The following ASCC3 variants were observed in gnomAD, a reference collection of about 807,000 sequenced individuals.
The protein encoded by ASCC3 is activating signal cointegrator 1 complex subunit 3.
In ASCC3, 158 loss-of-function variants were observed where a neutral mutation model predicts 256.3. The ratio of observed to expected loss-of-function variants is 0.62; its 90% CI spans 0.54 to 0.70. The LOEUF (loss-of-function observed/expected upper bound fraction) is 0.70. ASCC3 is among the 30% of genes least tolerant of loss of function. The probability of loss-of-function intolerance (pLI) is 0.00; values close to 1 mark genes in which losing one functional copy is unlikely to be tolerated. For missense variants in ASCC3, 2,259 were observed against 2,626.0 expected (o/e 0.86, Z 3.05); for synonymous variants, 948 against 883.4 (o/e 1.07, Z -1.30).
rs1050759854 is a variant in ASCC3 at position 100,508,419 on chromosome 6, T to C, written c.*967A>G. The C allele has an allele frequency of 1.7e-4, 26 of 152,144 alleles. No homozygotes were observed. The highest frequency in any genetic ancestry group is 5.8e-4 in the African/African-American group (24 of 41,428). 9.4% of individuals were successfully genotyped at this position (152,144 alleles called of 1,614,324 possible). On this transcript the variant is annotated 3_prime_UTR_variant, in exon 42 of 42. Transcript: ENST00000369162. ...CATTGAATTTTAACAAGTTTTTAGT[T>C]TGAAAAAGTATTTTTCAAGAAGGAA...
intron 1 of ASCC3, among the ~76,000 whole-genome samples, chr6:100,875,546 C>T (rs1030451500): frequency 3.3e-5 from 5 of 152,082 alleles, no homozygotes; most frequent in Admixed American, 2.0e-4. Context: ...AACAGACATA[C>T]ATACATATAA....
intron 8 of ASCC3, among the ~76,000 whole-genome samples, chr6:100,795,928 T>C (rs186918854): frequency 6.6e-6 from 1 of 152,298 alleles, no homozygotes; most frequent in East Asian, 1.9e-4. Context: ...TTAATGTCTA[T>C]TTTTTCTCCC....
chr6:100,566,374 G>C lies in ASCC3; in HGVS notation c.5550+23260C>G, dbSNP rs547908678. ...TGGTCATGCTGAGATTCGAACCCAT[G>C]TTTCTGAAATGCAAATACCCTTAAT... is the stretch of plus-strand genomic sequence containing the variant. On this transcript the variant is annotated intron_variant, in intron 36 of 41. Transcript: ENST00000369162. 3.0e-4 allele frequency among the ~76,000 whole-genome samples: 45 copies of C among 152,216 alleles called. No individual in the cohort carries two copies. In the South Asian group the frequency reaches 5.4e-3, roughly 18 times the overall value.
intron 36 of ASCC3, among the ~76,000 whole-genome samples, chr6:100,559,846 T>C (rs1470611694): frequency 1.7e-5 from 2 of 115,056 alleles, no homozygotes; most frequent in Admixed American, 1.7e-4. Flanking sequence ...CTAGACTCCA[T>C]CTCAAAAAAA....
chr6:100,766,879 G>A (rs1169233580), intron 9 of ASCC3, among the ~76,000 whole-genome samples, 174 bp from the exon 10 acceptor site: 7 of 152,284 alleles, frequency 4.6e-5, no homozygotes, highest in Admixed American at 3.9e-4. Context: ...GTGTGTAGCT[G>A]TTTAAAGGAC....
At chr6:100,580,826 T>A (rs12192249) in intron 36 of ASCC3, among the ~76,000 whole-genome samples, 65,257 of 148,796 alleles carry the variant, frequency 0.44, 14,440 homozygotes, top group South Asian at 0.62. Context: ...AGTGAGAATA[T>A]GCGGTGTTTG....
chr6:100,518,280 A>G, intron 37 of ASCC3, 138 bp from the exon 38 acceptor site: 1 of 939,170 alleles, frequency 1.1e-6, no homozygotes, highest in Non-Finnish European at 1.6e-6. Flanking sequence ...CAACATAGAA[A>G]CCAGAAAATA....
intron 14 of ASCC3, among the ~76,000 whole-genome samples, chr6:100,667,787 T>C (rs1305588930): frequency 6.6e-6 from 1 of 151,944 alleles, no homozygotes; most frequent in Non-Finnish European, 1.5e-5. Flanking sequence ...CAGGAGTAAA[T>C]TATGTTTTGC....
intron 29 of ASCC3, among the ~76,000 whole-genome samples, chr6:100,627,220 A>T (rs1582589380): frequency 1.3e-5 from 2 of 152,302 alleles, no homozygotes; most frequent in South Asian, 4.1e-4. Context: ...TAAAGTACTG[A>T]AATTTCTAAG....
chr6:100,738,939 T>C (rs977540070), intron 10 of ASCC3, among the ~76,000 whole-genome samples: 1 of 152,222 alleles, frequency 6.6e-6, no homozygotes, highest in African/African-American at 2.4e-5. Flanking sequence ...TATTTCATTA[T>C]CTTGCCTGAT....
At chr6:100,675,931 G>T (rs993194362) in intron 14 of ASCC3, among the ~76,000 whole-genome samples, 1 of 152,056 alleles carries the variant, frequency 6.6e-6, no homozygotes, top group African/African-American at 2.4e-5. Flanking sequence ...CTAACTGAAG[G>T]ATTCATTTAA....
chr6:100,876,812 A>C (rs1395052865), intron 1 of ASCC3, among the ~76,000 whole-genome samples: 2 of 152,344 alleles, frequency 1.3e-5, no homozygotes, highest in East Asian at 1.9e-4. Context: ...TGTTCGTCAG[A>C]AGTACTGGCT....
At chr6:100,878,535 T>C (rs1452974296) in intron 1 of ASCC3, among the ~76,000 whole-genome samples, 1 of 152,146 alleles carries the variant, frequency 6.6e-6, no homozygotes, top group African/African-American at 2.4e-5. Flanking sequence ...AATTCCAGAA[T>C]ATCCCACAAA....
intron 4 of ASCC3, among the ~76,000 whole-genome samples, chr6:100,830,947 G>C (rs1771590355): frequency 6.6e-6 from 1 of 151,986 alleles, no homozygotes. Context: ...TACTTATAAA[G>C]GCTACAGTTA....
intron 22 of ASCC3, among the ~76,000 whole-genome samples, chr6:100,645,650 C>T (rs1775342861): frequency 6.6e-6 from 1 of 152,054 alleles, no homozygotes; most frequent in Admixed American, 6.6e-5. Flanking sequence ...TGCCTTTGTA[C>T]CTACAATCTC....
At chr6:100,744,309 A>G (rs1042021484) in intron 10 of ASCC3, among the ~76,000 whole-genome samples, 2 of 152,174 alleles carry the variant, frequency 1.3e-5, no homozygotes, top group African/African-American at 4.8e-5. Flanking sequence ...GGCAAAGATT[A>G]CTGATTATTA....
intron 36 of ASCC3, among the ~76,000 whole-genome samples, chr6:100,574,744 T>A (rs372394378): frequency 6.6e-6 from 1 of 151,510 alleles, no homozygotes; most frequent in Admixed American, 6.6e-5. Context: ...GTATTACAAA[T>A]ACATTTTATG....
At chr6:100,675,674 T>A (rs1056976883) in intron 14 of ASCC3, among the ~76,000 whole-genome samples, 2 of 152,194 alleles carry the variant, frequency 1.3e-5, no homozygotes, top group Non-Finnish European at 1.5e-5. Context: ...TCAATAGATA[T>A]TTTCAATAAC....
intron 26 of ASCC3, among the ~76,000 whole-genome samples, chr6:100,630,673 T>C (rs1330038863): frequency 6.6e-6 from 1 of 152,046 alleles, no homozygotes; most frequent in Non-Finnish European, 1.5e-5. Flanking sequence ...AATAACCTTG[T>C]AGTATATTAA....
Sources: allele counts gnomAD v4.1 joint callset (sites outside exome capture counted in the v4.1 genomes callset), GRCh38; gene constraint gnomAD v4.1.1; transcripts MANE v1.5; gene names NCBI Gene and HGNC (gene_info 2026-07-23, HGNC 2026-07-21).